TMC1: variants seen among roughly 807,000 people sequenced by gnomAD.
The protein encoded by TMC1 is transmembrane channel-like protein 1.
A neutral mutation model predicts 105.8 loss-of-function variants in TMC1; 84 were observed. That is an observed-to-expected ratio of 0.79 (90% CI 0.67 to 0.95). The LOEUF is 0.95. Ranked by LOEUF, TMC1 falls within the 40% of genes least tolerant of loss-of-function variation. The pLI, the probability that TMC1 is intolerant of heterozygous loss-of-function variation, is 0.00. For missense variants in TMC1, 817 were observed against 914.1 expected, an observed-to-expected ratio of 0.89 and a Z score of 1.37; for synonymous variants, 315 against 311.5, an observed-to-expected ratio of 1.01 and a Z score of -0.12.
At chr9:72,799,681 T>C in intron 17 of TMC1, among the ~76,000 whole-genome samples, 1 of 152,128 alleles carries the variant, frequency 6.6e-6, no homozygotes, top group East Asian at 1.9e-4. Flanking sequence ...AATAATAAAA[T>C]CAAAGTCATC....
chr9:72,739,007 T>G (rs1003292752), intron 8 of TMC1, among the ~76,000 whole-genome samples: 17 of 152,128 alleles, frequency 1.1e-4, no homozygotes, highest in Non-Finnish European at 1.9e-4. Context: ...AAATTGTTTT[T>G]CAAACAAACA....
intron 6 of TMC1, 78 bp downstream of exon 6, chr9:72,688,834 T>C (rs1463137667): frequency 9.0e-6 from 11 of 1,218,528 alleles, no homozygotes; most frequent in Non-Finnish European, 1.3e-5. Flanking sequence ...TCTTGTGGAC[T>C]TGAGCTACCA....
intron 9 of TMC1, chr9:72,741,441 T>C (rs1418635129): frequency 5.2e-6 from 2 of 385,010 alleles, no homozygotes; most frequent in Non-Finnish European, 9.9e-6. Flanking sequence ...TTGAATGTTG[T>C]ACCCAGACAA....
intron 8 of TMC1, among the ~76,000 whole-genome samples, chr9:72,715,644 C>T (rs1372065200): frequency 6.6e-6 from 1 of 152,076 alleles, no homozygotes. Flanking sequence ...CTGGTTATTT[C>T]AGTTAGCAAT....
chr9:72,827,656 A>T (rs1828977365), intron 21 of TMC1, among the ~76,000 whole-genome samples: 1 of 152,212 alleles, frequency 6.6e-6, no homozygotes, highest in South Asian at 2.1e-4. Context: ...TGGCCATCAC[A>T]GATAAACTTA....
chr9:72,817,769 G>C (rs182715776), intron 19 of TMC1, among the ~76,000 whole-genome samples: 149 of 152,236 alleles, frequency 9.8e-4, no homozygotes, highest in African/African-American at 2.9e-3. Flanking sequence ...TGTTCATATT[G>C]AAATTCTTAA....
At chr9:72,624,494 A>T (rs1223896424) in intron 3 of TMC1, among the ~76,000 whole-genome samples, 2 of 152,150 alleles carry the variant, frequency 1.3e-5, no homozygotes, top group African/African-American at 4.8e-5. Context: ...GCCAGTGCAT[A>T]CTTAAGGATC....
chr9:72,578,811 G>A (rs897781159), intron 2 of TMC1, among the ~76,000 whole-genome samples: 4 of 152,288 alleles, frequency 2.6e-5, no homozygotes, highest in Admixed American at 6.5e-5. Flanking sequence ...CTCAATTTCT[G>A]GCATTCTGAG....
At chr9:72,579,705 G>T (rs1824444717) in intron 2 of TMC1, among the ~76,000 whole-genome samples, 1 of 152,124 alleles carries the variant, frequency 6.6e-6, no homozygotes, top group African/African-American at 2.4e-5. Context: ...GTCTTATGCA[G>T]TCTCTATTTT....
chr9:72,837,792 A>G lies in TMC1; in HGVS notation c.*1819A>G, dbSNP rs1004859137. The G allele has an allele frequency of 2.0e-5, 3 of 152,142 alleles. No individual in the cohort carries two copies. The highest frequency in any genetic ancestry group is 2.0e-4 in the Admixed American group (3 of 15,274). 9.4% of individuals were successfully genotyped at this position (152,142 alleles called of 1,614,324 possible). A position where few individuals can be genotyped will look rare whatever the true frequency, so the allele number is the denominator to read the frequency against. On this transcript the variant is annotated 3_prime_UTR_variant, in exon 24 of 24. Transcript: ENST00000297784. ...TCTGAGTTTCTCATTCTTTTTGATC[A>G]CCAAAAGGCAGCCATAGAATAATCG...
At chr9:72,602,910 C>T (rs1824842389) in intron 2 of TMC1, among the ~76,000 whole-genome samples, 1 of 152,216 alleles carries the variant, frequency 6.6e-6, no homozygotes, top group African/African-American at 2.4e-5. Context: ...AGAGCATCTA[C>T]TATTCAGTTT....
rs150268635 is a variant in TMC1 at position 72,599,502 on chromosome 9, C to A, written c.-305-16866C>A. On this transcript the variant is annotated intron_variant, in intron 2 of 23. Transcript: ENST00000297784. Reference sequence around the variant, plus strand: ...ATAGGTTGAATTTTCTAAGAAAAGGCCTGGGGAGGAGGTACCAGGAGTCCA... The same window carrying A: ...ATAGGTTGAATTTTCTAAGAAAAGGACTGGGGAGGAGGTACCAGGAGTCCA... Among the ~76,000 whole-genome samples, 1,109 of 152,242 alleles carry A rather than the reference C, an allele frequency of 7.3e-3. 5 individuals are homozygous for A. The highest frequency in any genetic ancestry group is 0.027 in the Middle Eastern group (8 of 294).
At chr9:72,523,097 A>G (rs905282149) in intron 1 of TMC1, among the ~76,000 whole-genome samples, 2 of 152,226 alleles carry the variant, frequency 1.3e-5, no homozygotes, top group Non-Finnish European at 2.9e-5. Flanking sequence ...AGTTCTCCAT[A>G]CACCATGATA....
intron 1 of TMC1, among the ~76,000 whole-genome samples, chr9:72,532,750 G>A (rs976779945): frequency 3.9e-5 from 6 of 152,082 alleles, no homozygotes; most frequent in African/African-American, 1.2e-4. Context: ...GTGCAATAGT[G>A]TATTTTAATT....
At chr9:72,547,195 GA>G (rs1216695184) in intron 1 of TMC1, among the ~76,000 whole-genome samples, 1 of 151,288 alleles carries the variant, frequency 6.6e-6, no homozygotes, top group Non-Finnish European at 1.5e-5. Context: ...GATGAGGCAG[GA>G]GAGTGGTTTA....
chr9:72,629,896 C>T (rs1174467431), intron 4 of TMC1, among the ~76,000 whole-genome samples: 1 of 152,054 alleles, frequency 6.6e-6, no homozygotes, highest in Non-Finnish European at 1.5e-5. Context: ...GGTGGAGTCT[C>T]ACTCTGTCAC....
At chr9:72,685,811 A>T (rs1011896160) in intron 5 of TMC1, among the ~76,000 whole-genome samples, 2 of 152,178 alleles carry the variant, frequency 1.3e-5, no homozygotes, top group African/African-American at 4.8e-5. Flanking sequence ...GTGAATTTTC[A>T]GTTTCCAAAA....
chr9:72,754,830 T>C lies in TMC1; in HGVS notation c.687T>C (p.Val229=), dbSNP rs1283610185. ...ATGGCAGTTTACCTAGGAAAACCGT[T>C]CCCAGAGCCGAAGAGGCATCGGCAG... ...LPYGSLPRKT[V]PRAEEASAAN... is the part of the protein sequence containing the mutation. Residue 229 remains valine (V), a synonymous_variant, in exon 12 of 24, where the codon GTT becomes GTC. Transcript: ENST00000297784. 1.2e-6 allele frequency: 2 copies of C among 1,614,138 alleles called. No homozygotes were observed. The highest frequency in any genetic ancestry group is 3.3e-5 in the Admixed American group (2 of 60,028).
intron 13 of TMC1, among the ~76,000 whole-genome samples, chr9:72,785,477 C>T (rs1828155189): frequency 4.6e-5 from 7 of 152,136 alleles, no homozygotes; most frequent in Admixed American, 4.6e-4. Context: ...AGGTCAAAAA[C>T]TTTTGCCTTT....
Sources: allele counts gnomAD v4.1 joint callset (sites outside exome capture counted in the v4.1 genomes callset), GRCh38; gene constraint gnomAD v4.1.1; transcripts MANE v1.5; gene names NCBI Gene and HGNC (gene_info 2026-07-23, HGNC 2026-07-21).